FAM13B: variants seen among roughly 807,000 people sequenced by gnomAD.
FAM13B encodes family with sequence similarity 13 member B, also known as protein FAM13B.
Under a neutral mutation model 117.3 loss-of-function variants are expected in FAM13B, and 60 were observed. The observed-to-expected ratio is 0.51, with a 90% CI of 0.42 to 0.63. FAM13B has a LOEUF of 0.63. FAM13B is among the 30% of genes least tolerant of loss of function. The probability of loss-of-function intolerance (pLI) is 0.00; values close to 1 mark genes in which losing one functional copy is unlikely to be tolerated. For missense variants in FAM13B, 972 were observed against 1,091.9 expected (o/e 0.89, Z 1.55); for synonymous variants, 332 against 356.1 (o/e 0.93, Z 0.76).
intron 4 of FAM13B, among the ~76,000 whole-genome samples, chr5:138,012,222 T>C (rs1438465586): frequency 9.4e-5 from 9 of 95,970 alleles, no homozygotes; most frequent in African/African-American, 4.0e-4. Flanking sequence ...TTCTCTTTTT[T>C]TTTTTTTTTT....
chr5:137,975,995 T>TTTTTTTTTTTTTTTTA (rs1773849176), intron 10 of FAM13B, among the ~76,000 whole-genome samples: 3 of 149,680 alleles, frequency 2.0e-5, no homozygotes, highest in Admixed American at 6.7e-5. Flanking sequence ...TTTTTTTTTT[T>TTTTTTTTTTTTTTTTA]GAGACAGTCT....
chr5:138,022,099 T>G (rs1360568102), intron 1 of FAM13B, among the ~76,000 whole-genome samples: 2 of 136,018 alleles, frequency 1.5e-5, no homozygotes, highest in Admixed American at 1.6e-4. Flanking sequence ...GGCAACAAAG[T>G]GAGATCCTGT....
chr5:138,049,304 G>A (rs910494048), intron 1 of FAM13B, among the ~76,000 whole-genome samples: 4 of 151,122 alleles, frequency 2.6e-5, no homozygotes, highest in Non-Finnish European at 4.4e-5. Context: ...AGAGTTTTGC[G>A]CTGTTGTTGC....
chr5:138,025,311 G>GTT (rs1313222757), intron 1 of FAM13B, among the ~76,000 whole-genome samples: 1 of 19,608 alleles, frequency 5.1e-5, no homozygotes, highest in African/African-American at 1.6e-4. Flanking sequence ...ATATATATAT[G>GTT]TATTTTTTTT....
intron 7 of FAM13B, among the ~76,000 whole-genome samples, chr5:138,003,189 A>C (rs1162304079): frequency 6.6e-6 from 1 of 152,188 alleles, no homozygotes; most frequent in African/African-American, 2.4e-5. Flanking sequence ...TAATTTATAA[A>C]AATTTTTTAA....
At position 137,980,812 on chromosome 5, in the gene FAM13B, T is replaced by C. The variant is rs185137552; in HGVS notation, c.1179+4445A>G. On this transcript the variant is annotated intron_variant, in intron 10 of 23. Transcript: ENST00000689681. Reference sequence around the variant, plus strand: ...GCTTACTATGTGCCAGATGCTATTCTGGTCTTACATCAACAAATGCTTAAT... The same window carrying C: ...GCTTACTATGTGCCAGATGCTATTCCGGTCTTACATCAACAAATGCTTAAT... Among the ~76,000 whole-genome samples, 451 of 152,356 alleles carry C rather than the reference T, an allele frequency of 3.0e-3. 1 individual carries two copies. The highest frequency in any genetic ancestry group is 5.2e-3 in the Non-Finnish European group (356 of 68,030).
rs958940789 is a variant in FAM13B at position 137,992,462 on chromosome 5, C to T, written c.849-4147G>A. On this transcript the variant is annotated intron_variant, in intron 7 of 23. Transcript: ENST00000689681. ...TACAAAAATTAGCCGCGCATGGTGA[C>T]GCATGCCTGTAATCCCAGCTACTCG... is the stretch of plus-strand genomic sequence containing the variant. Among the ~76,000 whole-genome samples the T allele has an allele frequency of 5.3e-5, 8 of 151,878 alleles. No individual in the cohort carries two copies. In the South Asian group the frequency reaches 6.2e-4, roughly 12 times the overall value.
chr5:138,021,717 T>C (rs913614274), intron 1 of FAM13B, among the ~76,000 whole-genome samples: 1 of 152,166 alleles, frequency 6.6e-6, no homozygotes, highest in African/African-American at 2.4e-5. Context: ...AAAAGAACAG[T>C]CCCAGAAAGA....
intron 4 of FAM13B, among the ~76,000 whole-genome samples, chr5:138,017,148 T>C (rs998903623): frequency 6.6e-6 from 1 of 152,200 alleles, no homozygotes; most frequent in African/African-American, 2.4e-5. Context: ...AGAACAGAAC[T>C]GAATCAGGTT....
chr5:137,965,755 G>A (rs929821735), intron 10 of FAM13B, among the ~76,000 whole-genome samples: 1 of 152,082 alleles, frequency 6.6e-6, no homozygotes, highest in Non-Finnish European at 1.5e-5. Context: ...TCTTCCTCTT[G>A]ACTATCTACT....
At chr5:138,039,160 A>G (rs904240845) in intron 1 of FAM13B, 1 of 152,238 alleles carries the variant, frequency 6.6e-6, no homozygotes, top group African/African-American at 2.4e-5. Flanking sequence ...AAATTCCTAT[A>G]ATCAGCTAGA....
At chr5:138,017,129 T>G (rs940449418) in intron 4 of FAM13B, among the ~76,000 whole-genome samples, 1 of 152,194 alleles carries the variant, frequency 6.6e-6, no homozygotes, top group Non-Finnish European at 1.5e-5. Context: ...ATCCAGATTA[T>G]AGAGTAAAAG....
intron 6 of FAM13B, 90 bp downstream of exon 6, chr5:138,010,918 A>C: frequency 3.2e-6 from 4 of 1,252,858 alleles, no homozygotes; most frequent in Non-Finnish European, 4.1e-6. Flanking sequence ...TTTAAATTCC[A>C]CTTATGTCTG....
At chr5:137,943,775 C>T (rs1405015626) in intron 20 of FAM13B, among the ~76,000 whole-genome samples, 2 of 152,064 alleles carry the variant, frequency 1.3e-5, no homozygotes, top group African/African-American at 4.8e-5. Flanking sequence ...TAAGAACATA[C>T]ATATAGTTTA....
chr5:137,948,805 T>C (rs907209013), intron 18 of FAM13B, 150 bp downstream of exon 18: 2 of 635,264 alleles, frequency 3.1e-6, no homozygotes, highest in Non-Finnish European at 5.5e-6. Context: ...ACTTCTGTTA[T>C]GCTGATTAAA....
At chr5:138,035,595 G>C (rs1423609352), upstream of FAM13B, among the ~76,000 whole-genome samples, 1 of 152,162 alleles carries the variant, frequency 6.6e-6, no homozygotes, top group Non-Finnish European at 1.5e-5. Flanking sequence ...GGTTCCATGA[G>C]TTTTTAGGGG....
intron 7 of FAM13B, among the ~76,000 whole-genome samples, chr5:137,999,548 C>T (rs922456862): frequency 6.6e-6 from 1 of 152,138 alleles, no homozygotes; most frequent in African/African-American, 2.4e-5. Flanking sequence ...TGCACTCCAG[C>T]CTGGGTGAGT....
At chr5:137,991,071 T>C (rs894714961) in intron 7 of FAM13B, among the ~76,000 whole-genome samples, 4 of 152,164 alleles carry the variant, frequency 2.6e-5, no homozygotes, top group Non-Finnish European at 5.9e-5. Flanking sequence ...TTTTATACCA[T>C]AAAGTATTCT....
chr5:137,941,805 T>C, intron 23 of FAM13B, 139 bp downstream of exon 23: 1 of 672,128 alleles, frequency 1.5e-6, no homozygotes, highest in Non-Finnish European at 2.6e-6. Flanking sequence ...CCTCAGAGCA[T>C]AAAGGAATGT....
Sources: allele counts gnomAD v4.1 joint callset (sites outside exome capture counted in the v4.1 genomes callset), GRCh38; gene constraint gnomAD v4.1.1; transcripts MANE v1.5; gene names NCBI Gene and HGNC (gene_info 2026-07-23, HGNC 2026-07-21).